NEXN: variants seen among roughly 807,000 people sequenced by gnomAD.
NEXN encodes the protein nexilin F-actin binding protein, also known as nexilin.
NEXN carries 65 observed loss-of-function variants against 92.6 expected under a neutral mutation model. The observed-to-expected ratio is 0.70, with a 90% confidence interval of 0.57 to 0.86. The LOEUF (loss-of-function observed/expected upper bound fraction) is 0.86, where lower values mean the gene tolerates loss of function less well. NEXN is among the 40% of genes least tolerant of loss of function. The probability of loss-of-function intolerance (pLI) is 0.00; values close to 1 mark genes in which losing one functional copy is unlikely to be tolerated. For synonymous variants in NEXN, 254 were observed against 242.5 expected, an observed-to-expected ratio of 1.05 and a Z score of -0.44; for missense variants, 778 against 771.1, an observed-to-expected ratio of 1.01 and a Z score of -0.11.
intron 1 of NEXN, among the ~76,000 whole-genome samples, chr1:77,891,885 C>T (rs1237596985): frequency 6.6e-6 from 1 of 151,768 alleles, no homozygotes; most frequent in Non-Finnish European, 1.5e-5. Flanking sequence ...CAGGACCAGG[C>T]CTGGCAACAT....
At chr1:77,896,400 T>C (rs573357278) in intron 1 of NEXN, among the ~76,000 whole-genome samples, 1 of 152,238 alleles carries the variant, frequency 6.6e-6, no homozygotes, top group Non-Finnish European at 1.5e-5. Flanking sequence ...CTTGACAATA[T>C]TCCTCTCCTC....
intron 12 of NEXN, 76 bp downstream of exon 12, chr1:77,942,284 A>G (rs1335189870): frequency 4.6e-6 from 7 of 1,513,690 alleles, no homozygotes; most frequent in East Asian, 4.6e-5. Flanking sequence ...GGTAGGTTAA[A>G]AAAATGTTTT....
At chr1:77,923,555 T>G (rs144887578) in intron 5 of NEXN, among the ~76,000 whole-genome samples, 7 of 152,268 alleles carry the variant, frequency 4.6e-5, no homozygotes, top group Middle Eastern at 3.4e-3. Context: ...TCCTGAGATC[T>G]TAAACACTGC....
chr1:77,934,860 G>A (rs1211375432), intron 10 of NEXN, among the ~76,000 whole-genome samples: 1 of 152,128 alleles, frequency 6.6e-6, no homozygotes, highest in Admixed American at 6.5e-5. Context: ...TTATAACCTA[G>A]GAACCAGAAA....
chr1:77,898,456 A>T (rs530073238), intron 1 of NEXN, among the ~76,000 whole-genome samples: 4 of 152,230 alleles, frequency 2.6e-5, no homozygotes, highest in Non-Finnish European at 4.4e-5. Context: ...CTGGCTAGCC[A>T]TATGTAGAAA....
intron 10 of NEXN, among the ~76,000 whole-genome samples, chr1:77,934,446 C>T (rs568035143): frequency 5.9e-5 from 9 of 152,324 alleles, no homozygotes; most frequent in African/African-American, 2.2e-4. Context: ...TGCCCAGCCA[C>T]TGTCTTGAAA....
At chr1:77,901,779 T>C (rs1647735146) in intron 1 of NEXN, among the ~76,000 whole-genome samples, 1 of 152,202 alleles carries the variant, frequency 6.6e-6, no homozygotes, top group Non-Finnish European at 1.5e-5. Flanking sequence ...GATCTTATTA[T>C]TTTATTTAGA....
At chr1:77,916,514 T>A (rs1648988168) in intron 2 of NEXN, among the ~76,000 whole-genome samples, 1 of 152,158 alleles carries the variant, frequency 6.6e-6, no homozygotes, top group African/African-American at 2.4e-5. Context: ...GTAAGGAACC[T>A]TTTTAGTGCC....
intron 11 of NEXN, 50 bp downstream of exon 11, chr1:77,936,094 A>G: frequency 7.4e-7 from 1 of 1,354,378 alleles, no homozygotes; most frequent in Non-Finnish European, 1.0e-6. Flanking sequence ...ATGATAATAA[A>G]TTTAACAGAA....
At chr1:77,922,601 CT>C (rs570526406) in intron 5 of NEXN, among the ~76,000 whole-genome samples, 328 of 140,248 alleles carry the variant, frequency 2.3e-3, no homozygotes, top group African/African-American at 4.0e-3. Context: ...CAAAATTATT[CT>C]TTTTTTTTTT....
At chr1:77,903,554 TATAGTG>T (rs1245127170) in intron 1 of NEXN, among the ~76,000 whole-genome samples, 1 of 152,202 alleles carries the variant, frequency 6.6e-6, no homozygotes, top group East Asian at 1.9e-4. Context: ...TAATGAAAAT[TATAGTG>T]ATACATATGA....
intron 6 of NEXN, among the ~76,000 whole-genome samples, chr1:77,925,786 G>C (rs1366621179): frequency 6.6e-6 from 1 of 151,794 alleles, no homozygotes; most frequent in Non-Finnish European, 1.5e-5. Context: ...TTTATCTCAG[G>C]GCCATGTGTT....
chr1:77,940,117 C>T (rs1651137159), intron 11 of NEXN, among the ~76,000 whole-genome samples: 1 of 152,186 alleles, frequency 6.6e-6, no homozygotes, highest in Admixed American at 6.5e-5. Flanking sequence ...CAAGGCTCAA[C>T]TCATTTACAT....
intron 2 of NEXN, among the ~76,000 whole-genome samples, chr1:77,917,348 G>T (rs866721874): frequency 4.7e-4 from 71 of 152,046 alleles, no homozygotes; most frequent in African/African-American, 1.6e-3. Context: ...CTATATAACA[G>T]TGAAATTTCT....
At chr1:77,896,534 G>A (rs1367421564) in intron 1 of NEXN, among the ~76,000 whole-genome samples, 2 of 152,094 alleles carry the variant, frequency 1.3e-5, no homozygotes, top group African/African-American at 2.4e-5. Context: ...TTGGGAGCCC[G>A]AGGCGGGTGG....
chr1:77,898,817 A>C (rs1445186162), intron 1 of NEXN, among the ~76,000 whole-genome samples: 2 of 152,220 alleles, frequency 1.3e-5, no homozygotes, highest in African/African-American at 2.4e-5. Flanking sequence ...ATTTACAAGA[A>C]AAAAACAACC....
intron 1 of NEXN, among the ~76,000 whole-genome samples, chr1:77,892,617 A>ACTT (rs1271292941): frequency 6.6e-6 from 1 of 152,230 alleles, no homozygotes; most frequent in African/African-American, 2.4e-5. Context: ...AGTCTGCTGT[A>ACTT]CTTAGCAACA....
chr1:77,892,548 G>C (rs190165198), intron 1 of NEXN, among the ~76,000 whole-genome samples: 1 of 152,164 alleles, frequency 6.6e-6, no homozygotes, highest in African/African-American at 2.4e-5. Flanking sequence ...GAATACTTGA[G>C]TATGCAGTCC....
At chr1:77,892,343 G>T (rs1198258651) in intron 1 of NEXN, among the ~76,000 whole-genome samples, 1 of 152,102 alleles carries the variant, frequency 6.6e-6, no homozygotes, top group African/African-American at 2.4e-5. Flanking sequence ...GTACCCAAAG[G>T]TTAACATTTT....
Sources: gnomAD v4.1 joint callset for allele counts (sites outside exome capture counted in the v4.1 genomes callset) on GRCh38, gnomAD v4.1.1 for gene constraint, MANE v1.5 for transcripts, NCBI Gene and HGNC (gene_info 2026-07-23, HGNC 2026-07-21) for gene names.